The following PLEKHA8 variants were observed in gnomAD, a reference collection of about 807,000 sequenced individuals.
PLEKHA8 encodes pleckstrin homology domain-containing family A member 8.
Under a neutral mutation model 68.2 loss-of-function variants are expected in PLEKHA8, and 36 were observed. The observed-to-expected ratio is 0.53, with a 90% CI of 0.40 to 0.70. The LOEUF (loss-of-function observed/expected upper bound fraction) is 0.70. PLEKHA8 is among the 30% of genes least tolerant of loss of function. The pLI is 0.00. For synonymous variants in PLEKHA8, 211 were observed against 216.1 expected (o/e 0.98, Z 0.20); for missense variants, 505 against 615.4 (o/e 0.82, Z 1.90).
chr7:30,082,418 G>T lies in PLEKHA8; in HGVS notation c.*3631G>T, dbSNP rs546979044. The T allele has an allele frequency of 1.0e-6, 1 of 985,236 alleles. No homozygotes were observed. Among genetic ancestry groups the T allele is most frequent in the Non-Finnish European group, 1.2e-6 (1 of 829,938 alleles). The allele number at this position is 985,236 out of a possible 1,614,324, so 61.0% of individuals were successfully genotyped here. A position where few individuals can be genotyped will look rare whatever the true frequency, so the allele number is the denominator to read the frequency against. ...CACCTTAGCCCAGGGCTGCGTGCCT[G>T]ATCAGTGGGGATTCTGTTCCCCCAC... On this transcript the variant is annotated 3_prime_UTR_variant, in exon 14 of 14. Transcript: ENST00000449726.
At chr7:30,042,205 G>A (rs1011110139) in intron 1 of PLEKHA8, among the ~76,000 whole-genome samples, 7 of 152,096 alleles carry the variant, frequency 4.6e-5, no homozygotes, top group African/African-American at 1.2e-4. Flanking sequence ...GAACTTAACC[G>A]TGAGCTCTCC....
At chr7:30,118,278 C>G (rs1401836752) in intron 13 of PLEKHA8, 1 of 380,150 alleles carries the variant, frequency 2.6e-6, no homozygotes, top group African/African-American at 2.1e-5. Context: ...TTTCTGCCAT[C>G]AGATAGAATG....
intron 1 of PLEKHA8, among the ~76,000 whole-genome samples, chr7:30,044,032 A>ATTTTTT (rs199681554): frequency 7.4e-6 from 1 of 135,078 alleles, no homozygotes; most frequent in Non-Finnish European, 1.6e-5. Flanking sequence ...GTCAGGGATG[A>ATTTTTT]TTTTTTTTTT....
intron 10 of PLEKHA8, among the ~76,000 whole-genome samples, 161 bp downstream of exon 10, chr7:30,061,103 A>T (rs934044092): frequency 2.0e-5 from 3 of 152,210 alleles, no homozygotes; most frequent in African/African-American, 7.2e-5. Context: ...TCAGTAAGGG[A>T]ATTACTAAGC....
Position 30,079,894 on chromosome 7 carries a change from T to G in PLEKHA8, c.*1107T>G. 1 of 979,648 alleles carries G rather than the reference T, an allele frequency of 1.0e-6. No individual in the cohort carries two copies. Among genetic ancestry groups the G allele is most frequent in the Non-Finnish European group, 1.2e-6 (1 of 824,856 alleles). The allele number at this position is 979,648 out of a possible 1,614,324, so 60.7% of individuals were successfully genotyped here. ...AGTTTTCTTCAAGAACTAAATGATATGTCCTTTTTTTTTTTTTCAAAGAGG... is the reference window on the plus strand; with the variant it reads ...AGTTTTCTTCAAGAACTAAATGATAGGTCCTTTTTTTTTTTTTCAAAGAGG... On this transcript the variant is annotated 3_prime_UTR_variant, in exon 14 of 14. Transcript: ENST00000449726.
In PLEKHA8 at chr7:30,099,453, G is replaced by A. The variant is rs531820227; in HGVS notation, c.1362+25321G>A. ...CAAATGCATTAGGAACCCAGAGTGC[G>A]GAGTATGTCCTTGTAGGTGAAGGCG... On this transcript the variant is annotated intron_variant, in intron 13 of 13. Transcript: ENST00000396257. 2.6e-5 allele frequency among the ~76,000 whole-genome samples: 4 copies of A among 152,328 alleles called. No individual in the cohort carries two copies. The East Asian group carries it at 5.8e-4, about 22-fold the overall frequency.
rs894516432 is a variant in PLEKHA8 at position 30,083,823 on chromosome 7, A to G, written c.*5036A>G. On this transcript the variant is annotated 3_prime_UTR_variant, in exon 14 of 14. Transcript: ENST00000449726. Reference sequence around the variant, plus strand: ...AGTGTGGTCAGTATTTCCTCCCTGTACCTTACAAACAGAAACCACCCTGGG... The same window carrying G: ...AGTGTGGTCAGTATTTCCTCCCTGTGCCTTACAAACAGAAACCACCCTGGG... 3 of 985,208 alleles carry G rather than the reference A, an allele frequency of 3.0e-6. No homozygotes were observed. Among genetic ancestry groups the G allele is most frequent in the East Asian group, 1.1e-4 (1 of 8,822 alleles). 61.0% of individuals were successfully genotyped at this position (985,208 alleles called of 1,614,324 possible).
At chr7:30,087,245 A>G (rs1051932231), downstream of PLEKHA8, among the ~76,000 whole-genome samples, 1 of 152,050 alleles carries the variant, frequency 6.6e-6, no homozygotes, top group Non-Finnish European at 1.5e-5. Context: ...TCAGTGACCA[A>G]CCCTCTTCCC....
At chr7:30,094,435 C>T (rs1253519892), downstream of PLEKHA8, among the ~76,000 whole-genome samples, 1 of 152,006 alleles carries the variant, frequency 6.6e-6, no homozygotes, top group African/African-American at 2.4e-5. Flanking sequence ...CCACCACGCC[C>T]AGCTAATTTT....
At chr7:30,059,905 C>T (rs1383449434) in intron 9 of PLEKHA8, among the ~76,000 whole-genome samples, 8 of 152,084 alleles carry the variant, frequency 5.3e-5, no homozygotes, top group Admixed American at 2.0e-4. Context: ...ATCATTGGGC[C>T]GGGCATGGTG....
chr7:30,048,127 A>G (rs1055907389), intron 4 of PLEKHA8, among the ~76,000 whole-genome samples, 171 bp downstream of exon 4: 2 of 152,064 alleles, frequency 1.3e-5, no homozygotes, highest in Non-Finnish European at 2.9e-5. Flanking sequence ...TTTTTTGACT[A>G]TCTTGGAATT....
In PLEKHA8 at chr7:30,052,597, G is replaced by A. The variant is rs1403690162; in HGVS notation, c.639-112G>A. 7.0e-6 allele frequency: 6 copies of A among 852,614 alleles called. No individual in the cohort carries two copies. The African/African-American group carries it at 1.1e-4, about 16-fold the overall frequency. 52.8% of individuals were successfully genotyped at this position (852,614 alleles called of 1,614,324 possible). On this transcript the variant is annotated intron_variant, in intron 6 of 13. Coordinates refer to ENST00000449726, the MANE Select transcript of PLEKHA8 (RefSeq NM_001197026.2). ...GAAGATTGCAGTGAGCTGTGATTGT[G>A]CCACTGTACTGCAGCCTGGGTGACA...
chr7:30,101,141 G>A (rs973604821), intron 13 of PLEKHA8, among the ~76,000 whole-genome samples: 5 of 150,406 alleles, frequency 3.3e-5, no homozygotes, highest in Non-Finnish European at 7.4e-5. Flanking sequence ...AGTGAGCCGA[G>A]ATTGCACTCC....
intron 6 of PLEKHA8, chr7:30,050,703 T>C: frequency 4.8e-6 from 2 of 415,572 alleles, no homozygotes; most frequent in Non-Finnish European, 8.1e-6. Flanking sequence ...CTAAGATGGA[T>C]CTCACCCATC....
Position 30,083,995 on chromosome 7 carries a change from C to T in PLEKHA8, c.*5208C>T, listed in dbSNP as rs1315891712. On this transcript the variant is annotated 3_prime_UTR_variant, in exon 14 of 14. Coordinates refer to ENST00000449726, the MANE Select transcript of PLEKHA8 (RefSeq NM_001197026.2). ...TTTCCTAGAAGGCTATGAGCCAGTT[C>T]CATGGCATGTTTAATGTATAATTCC... 4.1e-6 allele frequency: 4 copies of T among 985,236 alleles called. No individual in the cohort carries two copies. The highest frequency in any genetic ancestry group is 2.4e-6 in the Non-Finnish European group (2 of 829,902). The allele number at this position is 985,236 out of a possible 1,614,324, so 61.0% of individuals were successfully genotyped here.
At chr7:30,037,238 A>G (rs1250948383) in intron 1 of PLEKHA8, among the ~76,000 whole-genome samples, 1 of 152,256 alleles carries the variant, frequency 6.6e-6, no homozygotes, top group East Asian at 1.9e-4. Context: ...TTTATAATGA[A>G]TAAATTGTCT....
intron 13 of PLEKHA8, among the ~76,000 whole-genome samples, chr7:30,119,882 G>C (rs1014524277): frequency 6.6e-5 from 10 of 152,224 alleles, no homozygotes; most frequent in African/African-American, 2.4e-4. Context: ...CTGGCCTCCT[G>C]ACACTAAATA....
Position 30,083,614 on chromosome 7 carries a change from CT to C in PLEKHA8, c.*4828del, listed in dbSNP as rs963698336. ...TGCATGCATTGATCTTTCTTCTCTG[CT>C]GTTTTTATATAGCCTTTAATTAAAA... On this transcript the variant is annotated 3_prime_UTR_variant, in exon 14 of 14. Coordinates refer to ENST00000449726, the MANE Select transcript of PLEKHA8 (RefSeq NM_001197026.2). 7 of 985,244 alleles carry C rather than the reference CT, an allele frequency of 7.1e-6. No individual in the cohort carries two copies. The highest frequency in any genetic ancestry group is 8.4e-6 in the Non-Finnish European group (7 of 829,916). The allele number at this position is 985,244 out of a possible 1,614,324, so 61.0% of individuals were successfully genotyped here.
At position 30,049,219 on chromosome 7, in the gene PLEKHA8, C is replaced by T. The variant is rs748383822; in HGVS notation, c.439-5C>T. 46 of 1,613,486 alleles carry T rather than the reference C, an allele frequency of 2.9e-5. No individual in the cohort carries two copies. The highest frequency in any genetic ancestry group is 4.4e-5 in the South Asian group (4 of 91,074). On this transcript the variant is annotated splice_region_variant and splice_polypyrimidine_tract_variant and intron_variant, in intron 4 of 13. Transcript: ENST00000449726. ...AAGGAGTCTTCCACTCTGGTTGTTT[C>T]GTAGGAGGGAATTGATGTGGGAACT...
Sources: allele counts gnomAD v4.1 joint callset (sites outside exome capture counted in the v4.1 genomes callset), GRCh38; gene constraint gnomAD v4.1.1; transcripts MANE v1.5; gene names NCBI Gene and HGNC (gene_info 2026-07-23, HGNC 2026-07-21).